LMF1: variants seen among roughly 807,000 people sequenced by gnomAD.
LMF1 encodes transmembrane protein 112.
A neutral mutation model predicts 60.6 loss-of-function variants in LMF1; 68 were observed. The observed-to-expected ratio is 1.12, with a 90% CI of 0.92 to 1.37. The LOEUF is 1.37. LMF1 is among the 40% of genes most tolerant of loss of function. LMF1 has a pLI of 0.00. For synonymous variants in LMF1, 418 were observed against 324.7 expected (o/e 1.29, Z -3.09); for missense variants, 948 against 767.2 (o/e 1.24, Z -2.78).
At chr16:981,493 A>AC (rs986693366), upstream of LMF1, 8 of 230,640 alleles carry the variant, frequency 3.5e-5, no homozygotes, top group African/African-American at 1.2e-4. Flanking sequence ...AGCGCCGGAG[A>AC]CCCCCCTGCT....
At chr16:977,387 C>T (rs540134453) in intron 1 of LMF1, among the ~76,000 whole-genome samples, 148 of 152,262 alleles carry the variant, frequency 9.7e-4, no homozygotes, top group African/African-American at 3.4e-3. Flanking sequence ...GAGACCCGTC[C>T]GGGGGCGGGG....
upstream of LMF1, among the ~76,000 whole-genome samples, chr16:971,997 G>A (rs544596726): frequency 9.2e-5 from 14 of 152,064 alleles, no homozygotes; most frequent in African/African-American, 2.2e-4. Context: ...GTGTTTTGGC[G>A]TATCAATTAT....
chr16:948,626 C>CGACA (rs1213197670), intron 2 of LMF1, among the ~76,000 whole-genome samples: 1 of 145,466 alleles, frequency 6.9e-6, no homozygotes, highest in Admixed American at 6.9e-5. Flanking sequence ...AGTCAGCCAA[C>CGACA]GACAGAATCA....
chr16:951,653 C>T (rs994143061), intron 2 of LMF1, among the ~76,000 whole-genome samples: 9 of 152,338 alleles, frequency 5.9e-5, no homozygotes, highest in Non-Finnish European at 1.3e-4. Flanking sequence ...GTCCACGCTG[C>T]GACAAACCAC....
At chr16:929,623 G>A (rs772153262) in intron 3 of LMF1, among the ~76,000 whole-genome samples, 12 of 152,248 alleles carry the variant, frequency 7.9e-5, no homozygotes, top group Non-Finnish European at 7.3e-5. Context: ...CTGCAGGGCG[G>A]CAGGAAGCGG....
upstream of LMF1, among the ~76,000 whole-genome samples, chr16:971,189 G>T (rs562989622): frequency 3.9e-5 from 6 of 152,334 alleles, no homozygotes; most frequent in South Asian, 1.2e-3. Flanking sequence ...TGCCTCCTTC[G>T]CAGTTCTCGC....
In LMF1 at chr16:871,351, CG is replaced by C; in HGVS notation, c.898-11del. ...TGACGATGAGGACGGCCTGTGGAGA[CG>C]CCGCAGCTGAGTCTCGTGCAGGGGC... On this transcript the variant is annotated splice_polypyrimidine_tract_variant and intron_variant, in intron 6 of 10. Transcript: ENST00000262301. The C allele has an allele frequency of 6.2e-7, 1 of 1,611,214 alleles. No individual in the cohort carries two copies.
At chr16:858,637 CA>C (rs2069296161) in intron 10 of LMF1, among the ~76,000 whole-genome samples, 4 of 37,158 alleles carry the variant, frequency 1.1e-4, no homozygotes, top group South Asian at 9.6e-4. Context: ...GACGGGTGTG[CA>C]GTGGTGTCTC....
chr16:931,370 G>C (rs2071779381), intron 3 of LMF1, among the ~76,000 whole-genome samples: 1 of 152,232 alleles, frequency 6.6e-6, no homozygotes, highest in African/African-American at 2.4e-5. Flanking sequence ...CGGGCCGCAG[G>C]GTCCCAGTGA....
intron 10 of LMF1, chr16:855,571 C>T (rs547891447): frequency 3.7e-4 from 140 of 376,778 alleles, no homozygotes; most frequent in African/African-American, 1.3e-3. Flanking sequence ...GAATTGTCAC[C>T]GTCACAAGCT....
At chr16:945,214 A>AAAAAAAAAAAG (rs2072208866) in intron 2 of LMF1, among the ~76,000 whole-genome samples, 1 of 129,030 alleles carries the variant, frequency 7.8e-6, no homozygotes, top group Non-Finnish European at 1.8e-5. Context: ...TCCATCTCAA[A>AAAAAAAAAAAG]AAAAAAAAAA....
At chr16:894,456 C>G (rs368159779) in intron 4 of LMF1, among the ~76,000 whole-genome samples, 1 of 148,730 alleles carries the variant, frequency 6.7e-6, no homozygotes, top group South Asian at 2.2e-4. Flanking sequence ...GCCCACCCAT[C>G]CCCCTGTCCA....
intron 1 of LMF1, 90 bp downstream of exon 1, chr16:970,698 G>C: frequency 8.0e-7 from 1 of 1,248,966 alleles, no homozygotes; most frequent in Middle Eastern, 2.1e-4. Context: ...CCGCGGCCGC[G>C]AGACCGCGCG....
At chr16:936,916 A>G (rs909334205) in intron 2 of LMF1, among the ~76,000 whole-genome samples, 46 of 152,292 alleles carry the variant, frequency 3.0e-4, no homozygotes, top group African/African-American at 1.0e-3. Flanking sequence ...GCAGTGAGCC[A>G]AGATCGCGCT....
intron 8 of LMF1, among the ~76,000 whole-genome samples, chr16:870,494 C>T (rs1326906470): frequency 1.3e-5 from 2 of 152,224 alleles, no homozygotes; most frequent in Non-Finnish European, 1.5e-5. Flanking sequence ...CCGCAGCCCA[C>T]CTGCCTGGTG....
intron 10 of LMF1, among the ~76,000 whole-genome samples, chr16:861,253 G>C (rs1301889147): frequency 6.6e-6 from 1 of 151,800 alleles, no homozygotes; most frequent in African/African-American, 2.4e-5. Flanking sequence ...ATTTAATTTA[G>C]GTGTCTGTGT....
In LMF1 at chr16:954,398, C is replaced by G; in HGVS notation, c.462G>C (p.Leu154=). ...GCANMLLMAA[L]WGLYMSLVNV... is the part of the protein sequence containing the mutation. Reference sequence around the variant, plus strand: ...TAACCAGGGACATGTAGAGGCCCCACAGGGCAGCCATGAGAAGCATGTTGG... The same window carrying G: ...TAACCAGGGACATGTAGAGGCCCCAGAGGGCAGCCATGAGAAGCATGTTGG... Residue 154 remains leucine (L), a synonymous_variant, in exon 2 of 11, where the codon CTG becomes CTC. Coordinates refer to ENST00000262301, the MANE Select transcript of LMF1 (RefSeq NM_022773.4). The G allele has an allele frequency of 6.2e-6, 10 of 1,612,986 alleles. No homozygotes were observed. The highest frequency in any genetic ancestry group is 8.5e-6 in the Non-Finnish European group (10 of 1,179,768).
intron 2 of LMF1, among the ~76,000 whole-genome samples, chr16:934,720 G>C (rs2071890648): frequency 6.6e-6 from 1 of 152,216 alleles, no homozygotes; most frequent in African/African-American, 2.4e-5. Context: ...AACCAAAAGG[G>C]GTTTCAGTGA....
At chr16:968,076 C>G in intron 1 of LMF1, among the ~76,000 whole-genome samples, 1 of 152,352 alleles carries the variant, frequency 6.6e-6, no homozygotes, top group Middle Eastern at 3.4e-3. Context: ...GCGGTATGCA[C>G]GTCTGTGTGC....
Sources: allele counts gnomAD v4.1 joint callset (sites outside exome capture counted in the v4.1 genomes callset), GRCh38; gene constraint gnomAD v4.1.1; transcripts MANE v1.5; gene names NCBI Gene and HGNC (gene_info 2026-07-23, HGNC 2026-07-21).